The following GABBR2 variants were observed in gnomAD, a reference collection of about 807,000 sequenced individuals.
GABBR2 encodes G-protein coupled receptor 51.
Under a neutral mutation model 105.6 loss-of-function variants are expected in GABBR2, and 23 were observed. The observed-to-expected ratio is 0.22, with a 90% CI of 0.16 to 0.31. GABBR2 has a LOEUF of 0.31. GABBR2 is among the 10% of genes least tolerant of loss of function. The pLI is 1.00. For synonymous variants in GABBR2, 478 were observed against 499.7 expected, an observed-to-expected ratio of 0.96 and a Z score of 0.58; for missense variants, 734 against 1,245.5, an observed-to-expected ratio of 0.59 and a Z score of 6.18.
chr9:98,444,265 G>T (rs909925236), intron 7 of GABBR2, among the ~76,000 whole-genome samples: 2 of 152,140 alleles, frequency 1.3e-5, no homozygotes, highest in African/African-American at 4.8e-5. Flanking sequence ...ATGTCAGATG[G>T]GGCTAGATGT....
At chr9:98,382,517 G>A (rs1447095311) in intron 11 of GABBR2, among the ~76,000 whole-genome samples, 1 of 152,136 alleles carries the variant, frequency 6.6e-6, no homozygotes, top group African/African-American at 2.4e-5. Context: ...GGTTTGCCAT[G>A]TTGGCCAGGT....
chr9:98,331,004 T>C (rs1831015368), intron 13 of GABBR2, among the ~76,000 whole-genome samples: 1 of 152,210 alleles, frequency 6.6e-6, no homozygotes, highest in Admixed American at 6.5e-5. Context: ...ATACAATATG[T>C]GGCCTTTTGC....
intron 4 of GABBR2, among the ~76,000 whole-genome samples, chr9:98,482,767 C>T (rs927512934): frequency 6.6e-6 from 1 of 152,130 alleles, no homozygotes; most frequent in African/African-American, 2.4e-5. Context: ...ATCCTATCTA[C>T]CTTGCCCAGT....
chr9:98,512,256 C>T (rs1455242222), intron 3 of GABBR2, among the ~76,000 whole-genome samples: 1 of 135,466 alleles, frequency 7.4e-6, no homozygotes, highest in Admixed American at 7.2e-5. Flanking sequence ...TGGGACGTAT[C>T]TCAAAATAAT....
At chr9:98,292,997 A>G (rs1224876051) in intron 18 of GABBR2, among the ~76,000 whole-genome samples, 1 of 152,192 alleles carries the variant, frequency 6.6e-6, no homozygotes, top group East Asian at 1.9e-4. Flanking sequence ...CCTTGGAGCT[A>G]GTTGGGTTGA....
chr9:98,403,230 G>T (rs936956501), intron 8 of GABBR2, among the ~76,000 whole-genome samples: 2 of 138,354 alleles, frequency 1.4e-5, no homozygotes, highest in Non-Finnish European at 3.0e-5. Context: ...GGAGGCAGAG[G>T]TTGCAGTGAG....
intron 13 of GABBR2, among the ~76,000 whole-genome samples, chr9:98,351,905 T>C (rs142955280): frequency 4.0e-4 from 61 of 152,386 alleles, no homozygotes; most frequent in Non-Finnish European, 7.6e-4. Context: ...AAATTTCTTG[T>C]ATCCTTACAT....
intron 13 of GABBR2, among the ~76,000 whole-genome samples, chr9:98,335,946 G>A (rs966719827): frequency 9.2e-5 from 14 of 152,202 alleles, no homozygotes; most frequent in African/African-American, 3.1e-4. Context: ...AGGCCATGGA[G>A]AAAGAGCTCT....
chr9:98,568,070 T>G (rs960862966), intron 2 of GABBR2, among the ~76,000 whole-genome samples: 3 of 152,014 alleles, frequency 2.0e-5, no homozygotes, highest in Non-Finnish European at 4.4e-5. Context: ...GATCGGAGGG[T>G]GCTGCCAGGA....
At chr9:98,412,946 T>C (rs769301491) in intron 7 of GABBR2, among the ~76,000 whole-genome samples, 7 of 152,210 alleles carry the variant, frequency 4.6e-5, no homozygotes, top group Non-Finnish European at 8.8e-5. Context: ...TACGCGGCTG[T>C]CTAGACTTTA....
intron 3 of GABBR2, among the ~76,000 whole-genome samples, chr9:98,509,357 G>C (rs1827585968): frequency 6.6e-6 from 1 of 152,188 alleles, no homozygotes; most frequent in Non-Finnish European, 1.5e-5. Flanking sequence ...CTAAAAATCA[G>C]AGCACCTCTC....
intron 1 of GABBR2, among the ~76,000 whole-genome samples, chr9:98,677,000 TTGGGACC>T (rs2131866006): frequency 6.6e-6 from 1 of 152,292 alleles, no homozygotes; most frequent in African/African-American, 2.4e-5. Context: ...GAATTCCAGA[TTGGGACC>T]TGGGACCTCA....
intron 13 of GABBR2, among the ~76,000 whole-genome samples, chr9:98,317,008 G>A (rs948151547): frequency 7.9e-5 from 12 of 152,200 alleles, no homozygotes; most frequent in Admixed American, 1.3e-4. Context: ...CAAATCGGAG[G>A]AGACAGTGGG....
intron 7 of GABBR2, 30 bp from the exon 8 acceptor site, chr9:98,406,171 G>A: frequency 7.1e-7 from 1 of 1,402,940 alleles, no homozygotes; most frequent in South Asian, 1.3e-5. Flanking sequence ...AATCAAACAA[G>A]AATAAAAGAG....
chr9:98,451,487 G>C (rs1826228451), intron 7 of GABBR2, among the ~76,000 whole-genome samples: 1 of 152,062 alleles, frequency 6.6e-6, no homozygotes, highest in South Asian at 2.1e-4. Context: ...TTTGGAAATC[G>C]ACTTCATTTG....
chr9:98,431,706 T>C (rs1316957552), intron 7 of GABBR2, among the ~76,000 whole-genome samples: 1 of 151,900 alleles, frequency 6.6e-6, no homozygotes, highest in Non-Finnish European at 1.5e-5. Context: ...TTGTTTTGTT[T>C]TGTTTTTTTG....
chr9:98,486,539 G>A (rs888351677), intron 4 of GABBR2, among the ~76,000 whole-genome samples: 8 of 152,126 alleles, frequency 5.3e-5, no homozygotes, highest in African/African-American at 1.2e-4. Context: ...CTGACCTCTG[G>A]GTTGTCTGGA....
chr9:98,444,414 C>T (rs1826084941), intron 7 of GABBR2, among the ~76,000 whole-genome samples: 1 of 152,070 alleles, frequency 6.6e-6, no homozygotes, highest in South Asian at 2.1e-4. Context: ...AGATGCAGCT[C>T]ACTGGAGGAG....
At chr9:98,588,532 C>T (rs1282741969) in intron 1 of GABBR2, among the ~76,000 whole-genome samples, 2 of 151,512 alleles carry the variant, frequency 1.3e-5, no homozygotes, top group Non-Finnish European at 2.9e-5. Flanking sequence ...CTCCCAACAA[C>T]CCTATGAACC....
Sources: allele counts gnomAD v4.1 joint callset (sites outside exome capture counted in the v4.1 genomes callset), GRCh38; gene constraint gnomAD v4.1.1; transcripts MANE v1.5; gene names NCBI Gene and HGNC (gene_info 2026-07-23, HGNC 2026-07-21).